The following GPC3 variants were observed in gnomAD, a reference collection of about 807,000 sequenced individuals.
GPC3 encodes glypican 3, also known as glypican-3.
Under a neutral mutation model 34.4 loss-of-function variants are expected in GPC3, and 3 were observed. The observed-to-expected ratio is 0.09, with a 90% CI of 0.04 to 0.23. The LOEUF (loss-of-function observed/expected upper bound fraction) is 0.23. GPC3 is among the 10% of genes least tolerant of loss of function. The pLI, the probability that GPC3 is intolerant of heterozygous loss-of-function variation, is 1.00. For missense variants in GPC3, 351 were observed against 445.6 expected (o/e 0.79, Z 1.91); for synonymous variants, 177 against 174.0 (o/e 1.02, Z -0.13).
At chrX:133,768,865 G>A (rs1432613266) in intron 2 of GPC3, among the ~76,000 whole-genome samples, 1 of 110,452 alleles carries the variant, frequency 9.1e-6, no homozygotes, top group African/African-American at 3.3e-5. Flanking sequence ...ACTGGAACCC[G>A]GGAGGCAGAG....
chrX:133,720,513 T>C (rs1400424461), intron 3 of GPC3, among the ~76,000 whole-genome samples: 1 of 112,132 alleles, frequency 8.9e-6, no homozygotes, highest in African/African-American at 3.2e-5. Flanking sequence ...TTGCTCCTCC[T>C]TTCCTTCTGC....
chrX:133,543,266 A>G (rs769007167), intron 7 of GPC3, among the ~76,000 whole-genome samples: 2 of 111,070 alleles, frequency 1.8e-5, no homozygotes, highest in East Asian at 2.9e-4. Flanking sequence ...TTACAAATAC[A>G]TACCACCACT....
intron 6 of GPC3, among the ~76,000 whole-genome samples, chrX:133,636,273 T>C (rs775000063): frequency 2.7e-5 from 3 of 112,324 alleles, no homozygotes; most frequent in Non-Finnish European, 1.9e-5. Context: ...AGAGAGCCAA[T>C]ATTGTACATA....
intron 5 of GPC3, among the ~76,000 whole-genome samples, chrX:133,669,080 C>G (rs936362924): frequency 2.7e-5 from 3 of 111,384 alleles, no homozygotes; most frequent in African/African-American, 9.8e-5. Flanking sequence ...TTCTCTTACA[C>G]AGAGATACGA....
intron 1 of GPC3, among the ~76,000 whole-genome samples, chrX:133,971,904 C>T (rs187292686): frequency 3.6e-5 from 4 of 111,389 alleles, no homozygotes; most frequent in East Asian, 2.8e-4. Context: ...CATTTTACCC[C>T]GAATTATTAG....
intron 6 of GPC3, among the ~76,000 whole-genome samples, chrX:133,649,277 T>A (rs1370174258): frequency 1.8e-5 from 2 of 110,448 alleles, no homozygotes; most frequent in Non-Finnish European, 3.8e-5. Flanking sequence ...TATGTGTGTG[T>A]GTGTGTGTGT....
intron 2 of GPC3, among the ~76,000 whole-genome samples, chrX:133,817,721 T>G (rs1043993808): frequency 9.5e-6 from 1 of 105,483 alleles, no homozygotes; most frequent in Non-Finnish European, 1.9e-5. Flanking sequence ...TTTGAACCAT[T>G]TCTGTAAATA....
At chrX:133,908,971 A>G (rs2076183262) in intron 2 of GPC3, among the ~76,000 whole-genome samples, 1 of 111,917 alleles carries the variant, frequency 8.9e-6, no homozygotes, top group Admixed American at 9.5e-5. Context: ...CTGTCATCCT[A>G]TATATTGAAC....
At chrX:133,690,183 T>G (rs1013503882) in intron 5 of GPC3, among the ~76,000 whole-genome samples, 2 of 111,330 alleles carry the variant, frequency 1.8e-5, no homozygotes, top group Non-Finnish European at 1.9e-5. Flanking sequence ...GCAACCTTAT[T>G]CTCATTGTCC....
At chrX:133,925,500 T>C (rs1251083376) in intron 2 of GPC3, among the ~76,000 whole-genome samples, 1 of 112,041 alleles carries the variant, frequency 8.9e-6, no homozygotes, top group Non-Finnish European at 1.9e-5. Context: ...TTTTAATCAA[T>C]GACTGGTGTG....
At chrX:133,864,293 G>T (rs773436643) in intron 2 of GPC3, among the ~76,000 whole-genome samples, 2 of 111,518 alleles carry the variant, frequency 1.8e-5, no homozygotes, top group African/African-American at 6.5e-5. Context: ...CGCACTTCAC[G>T]GTTTTGACTA....
chrX:133,633,828 T>C (rs2070390393), intron 6 of GPC3, among the ~76,000 whole-genome samples: 1 of 112,060 alleles, frequency 8.9e-6, no homozygotes, highest in Non-Finnish European at 1.9e-5. Flanking sequence ...TTTAGTTCAA[T>C]GAATTGCTAT....
At chrX:133,975,997 ATTATTGGTGACT>A (rs1286048732) in intron 1 of GPC3, among the ~76,000 whole-genome samples, 1 of 111,590 alleles carries the variant, frequency 9.0e-6, no homozygotes, top group African/African-American at 3.3e-5. Flanking sequence ...CCAAATTAGC[ATTATTGGTGACT>A]GTCACTACTT....
intron 3 of GPC3, among the ~76,000 whole-genome samples, chrX:133,728,208 T>C (rs1393526405): frequency 2.7e-5 from 3 of 112,020 alleles, no homozygotes; most frequent in Admixed American, 1.9e-4. Flanking sequence ...TACGTGTCAA[T>C]GAAGACCCTT....
chrX:133,818,720 C>A (rs1003207065), intron 2 of GPC3, among the ~76,000 whole-genome samples: 9 of 111,590 alleles, frequency 8.1e-5, no homozygotes, highest in Non-Finnish European at 1.3e-4. Context: ...CATATAAACT[C>A]TGAGCAAGTT....
chrX:133,795,833 C>G (rs2075575969), intron 2 of GPC3, among the ~76,000 whole-genome samples: 3 of 109,236 alleles, frequency 2.7e-5, no homozygotes. Context: ...TTCCATGGAG[C>G]AAAAGTCTTC....
intron 6 of GPC3, among the ~76,000 whole-genome samples, chrX:133,623,572 CATAATGCCAAGGGATCAATTCA>C (rs1319285883): frequency 8.9e-6 from 1 of 111,998 alleles, no homozygotes; most frequent in African/African-American, 3.2e-5. Context: ...AAGGCCATTA[CATAATGCCAAGGGATCAATTCA>C]ACAAGAAGAG....
chrX:133,939,613 A>G (rs947264388), intron 2 of GPC3, among the ~76,000 whole-genome samples: 5 of 111,833 alleles, frequency 4.5e-5, no homozygotes, highest in Non-Finnish European at 9.4e-5. Context: ...AGTTCCAGAT[A>G]TCACTTTCCC....
chrX:133,649,483 G>A, intron 6 of GPC3, among the ~76,000 whole-genome samples: 1 of 111,158 alleles, frequency 9.0e-6, no homozygotes. Context: ...TTTGGACCAT[G>A]GGTTATCAGA....
Sources: gnomAD v4.1 joint callset for allele counts (sites outside exome capture counted in the v4.1 genomes callset) on GRCh38, gnomAD v4.1.1 for gene constraint, MANE v1.5 for transcripts, NCBI Gene and HGNC (gene_info 2026-07-23, HGNC 2026-07-21) for gene names.